The following SNAPC1 variants were observed in gnomAD, a reference collection of about 807,000 sequenced individuals.
The protein encoded by SNAPC1 is snRNA-activating protein complex subunit 1.
A neutral mutation model predicts 50.1 loss-of-function variants in SNAPC1; 42 were observed. The ratio of observed to expected loss-of-function variants is 0.84; its 90% CI spans 0.65 to 1.08. SNAPC1 has a LOEUF of 1.08. Ranked by LOEUF, SNAPC1 falls within the 50% of genes least tolerant of loss-of-function variation. The probability of loss-of-function intolerance (pLI) is 0.00; values close to 1 mark genes in which losing one functional copy is unlikely to be tolerated. For missense variants in SNAPC1, 477 were observed against 427.3 expected, an observed-to-expected ratio of 1.12 and a Z score of -1.02; for synonymous variants, 164 against 144.2, an observed-to-expected ratio of 1.14 and a Z score of -0.98.
chr14:61,766,756 G>C (rs897643702), intron 1 of SNAPC1, 120 bp from the exon 2 acceptor site: 1 of 516,022 alleles, frequency 1.9e-6, no homozygotes, highest in Non-Finnish European at 3.4e-6. Flanking sequence ...AATCATGAAA[G>C]AATCAGGTAT....
At chr14:61,784,692 T>C (rs1594650567) in intron 8 of SNAPC1, among the ~76,000 whole-genome samples, 1 of 152,376 alleles carries the variant, frequency 6.6e-6, no homozygotes, top group Non-Finnish European at 1.5e-5. Context: ...GGCCATAGTT[T>C]GTTAACTCCT....
At chr14:61,785,282 A>G (rs1196488748) in intron 8 of SNAPC1, among the ~76,000 whole-genome samples, 1 of 152,136 alleles carries the variant, frequency 6.6e-6, no homozygotes, top group African/African-American at 2.4e-5. Flanking sequence ...CATGCATGTA[A>G]TCCCAGCTAC....
chr14:61,786,862 C>T (rs2045118473), intron 8 of SNAPC1, among the ~76,000 whole-genome samples: 1 of 152,240 alleles, frequency 6.6e-6, no homozygotes. Context: ...GTTTATGTGG[C>T]TTTATTCATA....
At chr14:61,763,495 TTTTTTTTTTTTC>T (rs1343409517) in intron 1 of SNAPC1, among the ~76,000 whole-genome samples, 1,417 of 112,210 alleles carry the variant, frequency 0.013, 18 homozygotes, top group African/African-American at 0.043. Context: ...GCTTTTTTTT[TTTTTTTTTTTTC>T]TTTGGGCCCT....
At chr14:61,783,773 C>G (rs185258258) in intron 8 of SNAPC1, among the ~76,000 whole-genome samples, 1 of 151,860 alleles carries the variant, frequency 6.6e-6, no homozygotes, top group Non-Finnish European at 1.5e-5. Context: ...CTCCTGACTT[C>G]GTGATTCGCC....
intron 4 of SNAPC1, among the ~76,000 whole-genome samples, chr14:61,775,552 C>G (rs1364970808): frequency 1.3e-5 from 2 of 152,146 alleles, no homozygotes; most frequent in African/African-American, 4.8e-5. Flanking sequence ...CCACACCTGG[C>G]CTACCCTCTA....
rs754558712 is a variant in SNAPC1 at position 61,794,947 on chromosome 14, A to T, written c.1073-2A>T. On this transcript the variant is annotated splice_acceptor_variant, in intron 9 of 9. Transcript: ENST00000216294. LOFTEE classifies it high-confidence loss of function. ...ACTGACTTTTAAACTTTATGTCTTT[A>T]GAGTTCACTGCATCCAAGAAGAGGA... 8 of 1,581,058 alleles carry T rather than the reference A, an allele frequency of 5.1e-6. No homozygotes were observed. The highest frequency in any genetic ancestry group is 4.7e-5 in the South Asian group (4 of 85,948).
chr14:61,777,759 T>C (rs898987069), intron 5 of SNAPC1, among the ~76,000 whole-genome samples: 8 of 152,202 alleles, frequency 5.3e-5, no homozygotes, highest in African/African-American at 1.9e-4. Context: ...GCTCTTTTAA[T>C]AGATAAACTC....
At chr14:61,775,814 C>T (rs1383489645) in intron 4 of SNAPC1, among the ~76,000 whole-genome samples, 1 of 152,128 alleles carries the variant, frequency 6.6e-6, no homozygotes, top group African/African-American at 2.4e-5. Flanking sequence ...TTTATGTTAA[C>T]TGATTTGTCT....
At chr14:61,767,417 CT>C in intron 3 of SNAPC1, 65 bp downstream of exon 3, 1 of 1,027,768 alleles carries the variant, frequency 9.7e-7, no homozygotes, top group South Asian at 3.1e-5. Flanking sequence ...TCCATAAAAC[CT>C]CTCAATCTCC....
chr14:61,767,113 TA>T, intron 2 of SNAPC1, 78 bp downstream of exon 2: 1 of 1,093,536 alleles, frequency 9.1e-7, no homozygotes, highest in South Asian at 2.7e-5. Context: ...ATTATATGAT[TA>T]AATATGATTT....
At position 61,777,223 on chromosome 14, in the gene SNAPC1, T is replaced by G. The variant is rs1288826822; in HGVS notation, c.694-849T>G. On this transcript the variant is annotated intron_variant, in intron 5 of 9. Coordinates refer to ENST00000216294, the MANE Select transcript of SNAPC1 (RefSeq NM_003082.4). The stretch of plus-strand genomic sequence containing the variant: ...TAGAAAAGATAAACAAGGAAACTGA[T>G]AAGATGATAGTCTCGGGAAGAAGAA... Among the ~76,000 whole-genome samples the G allele has an allele frequency of 2.0e-5, 3 of 151,904 alleles. No homozygotes were observed. In the South Asian group the frequency reaches 6.2e-4, roughly 32 times the overall value.
At chr14:61,775,624 C>T (rs139388022) in intron 4 of SNAPC1, among the ~76,000 whole-genome samples, 29 of 152,068 alleles carry the variant, frequency 1.9e-4, no homozygotes, top group Non-Finnish European at 3.5e-4. Flanking sequence ...CAGGCACATA[C>T]GTTTTGGGAT....
At chr14:61,793,523 A>G (rs1305752512) in intron 9 of SNAPC1, among the ~76,000 whole-genome samples, 1 of 151,972 alleles carries the variant, frequency 6.6e-6, no homozygotes, top group Non-Finnish European at 1.5e-5. Context: ...GATTACAGGC[A>G]TGAGCCACCG....
chr14:61,784,923 T>A (rs1024391948), intron 8 of SNAPC1, among the ~76,000 whole-genome samples: 84 of 152,178 alleles, frequency 5.5e-4, no homozygotes, highest in African/African-American at 1.9e-3. Context: ...GATATGTGAA[T>A]GATTTTATGC....
rs757628506 is a variant in SNAPC1 at position 61,762,536 on chromosome 14, T to C, written c.76T>C (p.Phe26Leu). The change falls in exon 1 of 10, where the codon TTC becomes CTC. Residue 26 changes from phenylalanine (F) to leucine (L), a missense_variant. By Grantham distance (22) the Phe-to-Leu change is conservative (BLOSUM62 0). Coordinates refer to ENST00000216294, the MANE Select transcript of SNAPC1 (RefSeq NM_003082.4). ...SRFQETDSVR[F>L]EDFTELWRNM... ...CTTCCAGGAGACGGACAGTGTACGC[T>C]TCGAGGACTTCACGGAGCTCTGGAG... 3 of 1,477,284 alleles carry C rather than the reference T, an allele frequency of 2.0e-6. No homozygotes were observed. The highest frequency in any genetic ancestry group is 4.1e-5 in the Admixed American group (2 of 49,088). The allele number at this position is 1,477,284 out of a possible 1,614,324, so 91.5% of individuals were successfully genotyped here.
At chr14:61,782,423 T>G in intron 8 of SNAPC1, 26 bp downstream of exon 8, 1 of 1,578,424 alleles carries the variant, frequency 6.3e-7, no homozygotes, top group African/African-American at 1.4e-5. Flanking sequence ...CTTACTAAGA[T>G]TCAACAAAGG....
At chr14:61,775,348 C>T (rs1175682190) in intron 4 of SNAPC1, among the ~76,000 whole-genome samples, 1 of 151,800 alleles carries the variant, frequency 6.6e-6, no homozygotes. Context: ...CTCCGCCTCC[C>T]GGGTTCAAGC....
intron 8 of SNAPC1, among the ~76,000 whole-genome samples, chr14:61,786,436 A>G (rs576193075): frequency 1.4e-4 from 22 of 152,356 alleles, no homozygotes; most frequent in African/African-American, 4.8e-4. Context: ...AGTAATATTT[A>G]AAGAAGTCTA....
Sources: gnomAD v4.1 joint callset for allele counts (sites outside exome capture counted in the v4.1 genomes callset) on GRCh38, gnomAD v4.1.1 for gene constraint, MANE v1.5 for transcripts, NCBI Gene and HGNC (gene_info 2026-07-23, HGNC 2026-07-21) for gene names.